LRRC4C: variants seen among roughly 807,000 people sequenced by gnomAD.
LRRC4C encodes leucine rich repeat containing 4C.
In LRRC4C, 5 loss-of-function variants were observed where a neutral mutation model predicts 33.6. The ratio of observed to expected loss-of-function variants is 0.15; its 90% confidence interval spans 0.08 to 0.31. The LOEUF (loss-of-function observed/expected upper bound fraction) is 0.31. Among genes scored for constraint, LRRC4C ranks in the 10% least tolerant of loss-of-function variants. The probability of loss-of-function intolerance (pLI) is 1.00; values close to 1 mark genes in which losing one functional copy is unlikely to be tolerated. For missense variants in LRRC4C, 560 were observed against 796.7 expected, an observed-to-expected ratio of 0.70 and a Z score of 3.58; for synonymous variants, 329 against 302.0, an observed-to-expected ratio of 1.09 and a Z score of -0.93.
At chr11:40,798,278 T>A (rs1215767577) in intron 2 of LRRC4C, among the ~76,000 whole-genome samples, 2 of 152,222 alleles carry the variant, frequency 1.3e-5, no homozygotes, top group Middle Eastern at 3.2e-3. Flanking sequence ...TGTGAGACCA[T>A]ATGCTGTGGG....
At chr11:41,018,656 A>G (rs1442866455) in intron 1 of LRRC4C, among the ~76,000 whole-genome samples, 1 of 152,174 alleles carries the variant, frequency 6.6e-6, no homozygotes, top group Non-Finnish European at 1.5e-5. Flanking sequence ...CTCCTTTGGC[A>G]TATGCTCCAG....
At chr11:41,279,379 CAA>C (rs1319235497) in intron 1 of LRRC4C, among the ~76,000 whole-genome samples, 7 of 110,454 alleles carry the variant, frequency 6.3e-5, no homozygotes, top group South Asian at 3.2e-4. Flanking sequence ...TACACACACA[CAA>C]ACACACACAC....
intron 1 of LRRC4C, among the ~76,000 whole-genome samples, chr11:41,298,552 T>G (rs1950203439): frequency 6.6e-6 from 1 of 152,090 alleles, no homozygotes; most frequent in South Asian, 2.1e-4. Context: ...TGATTCAGTC[T>G]CTAAACGTAG....
At chr11:41,189,815 C>A (rs1045481741) in intron 1 of LRRC4C, among the ~76,000 whole-genome samples, 11 of 152,156 alleles carry the variant, frequency 7.2e-5, no homozygotes, top group African/African-American at 2.7e-4. Context: ...TTTACTCAAG[C>A]AGTGATCTAT....
At chr11:41,358,844 A>T (rs1952251567) in intron 1 of LRRC4C, among the ~76,000 whole-genome samples, 1 of 152,314 alleles carries the variant, frequency 6.6e-6, no homozygotes, top group Middle Eastern at 3.4e-3. Flanking sequence ...TTCTCTTACC[A>T]TATGATCCAA....
At chr11:40,332,663 T>C (rs1215519411) in intron 3 of LRRC4C, among the ~76,000 whole-genome samples, 1 of 152,210 alleles carries the variant, frequency 6.6e-6, no homozygotes, top group Non-Finnish European at 1.5e-5. Flanking sequence ...GTCTTATTCT[T>C]TCCACTTTCC....
chr11:40,780,437 A>G (rs1338265326), intron 2 of LRRC4C, among the ~76,000 whole-genome samples: 5 of 152,192 alleles, frequency 3.3e-5, no homozygotes, highest in African/African-American at 1.2e-4. Flanking sequence ...AAGCAGGAAT[A>G]AGAAAGATCT....
chr11:41,424,928 A>G (rs1051362438), intron 1 of LRRC4C, among the ~76,000 whole-genome samples: 1 of 152,134 alleles, frequency 6.6e-6, no homozygotes, highest in Non-Finnish European at 1.5e-5. Context: ...AATGAATGAA[A>G]TGATTAATGT....
At chr11:40,942,737 A>G (rs143493291) in intron 1 of LRRC4C, among the ~76,000 whole-genome samples, 1 of 152,288 alleles carries the variant, frequency 6.6e-6, no homozygotes, top group East Asian at 1.9e-4. Flanking sequence ...CTGCAGAAAG[A>G]TTCCTGAAGT....
At chr11:41,356,890 G>A (rs1279576029) in intron 1 of LRRC4C, among the ~76,000 whole-genome samples, 1 of 152,094 alleles carries the variant, frequency 6.6e-6, no homozygotes, top group African/African-American at 2.4e-5. Context: ...TAATACAAAA[G>A]AGAAAGCATC....
intron 1 of LRRC4C, among the ~76,000 whole-genome samples, chr11:41,448,651 C>T (rs1235175790): frequency 6.6e-6 from 1 of 152,150 alleles, no homozygotes; most frequent in Non-Finnish European, 1.5e-5. Flanking sequence ...CATGCAAACA[C>T]AGAAACCCTA....
intron 5 of LRRC4C, among the ~76,000 whole-genome samples, chr11:40,163,449 A>G (rs1015113469): frequency 1.3e-5 from 2 of 152,198 alleles, no homozygotes; most frequent in African/African-American, 2.4e-5. Flanking sequence ...CTAGACTATG[A>G]AGACATTTGC....
At chr11:41,188,901 G>T (rs376489163) in intron 1 of LRRC4C, among the ~76,000 whole-genome samples, 1 of 124,288 alleles carries the variant, frequency 8.0e-6, no homozygotes, top group African/African-American at 3.0e-5. Flanking sequence ...AACAGGACCT[G>T]CCCCCCCCCC....
At chr11:40,856,644 T>C (rs1953798838) in intron 2 of LRRC4C, among the ~76,000 whole-genome samples, 2 of 152,246 alleles carry the variant, frequency 1.3e-5, no homozygotes, top group Admixed American at 6.5e-5. Flanking sequence ...GCAGCATATT[T>C]TTTTGCTTTT....
At chr11:40,851,718 T>C (rs1246343859) in intron 2 of LRRC4C, among the ~76,000 whole-genome samples, 1 of 152,150 alleles carries the variant, frequency 6.6e-6, no homozygotes, top group African/African-American at 2.4e-5. Flanking sequence ...AGGCGGAGGT[T>C]GCAGTGAGCC....
At chr11:40,135,734 C>A (rs1856925976) in intron 6 of LRRC4C, among the ~76,000 whole-genome samples, 1 of 152,128 alleles carries the variant, frequency 6.6e-6, no homozygotes, top group Non-Finnish European at 1.5e-5. Flanking sequence ...ACGGGGCTGA[C>A]AGTCCGATTC....
At chr11:40,190,406 C>T (rs779205683) in intron 5 of LRRC4C, among the ~76,000 whole-genome samples, 8 of 152,280 alleles carry the variant, frequency 5.3e-5, no homozygotes, top group Non-Finnish European at 8.8e-5. Context: ...CCAGAAGATT[C>T]TCAGGTTCTG....
intron 5 of LRRC4C, among the ~76,000 whole-genome samples, chr11:40,186,592 C>CTA (rs1194701658): frequency 3.3e-5 from 5 of 152,178 alleles, no homozygotes; most frequent in Non-Finnish European, 7.3e-5. Context: ...GACGCCTAGT[C>CTA]TATGAGTCTA....
intron 1 of LRRC4C, among the ~76,000 whole-genome samples, chr11:41,135,425 C>T (rs927413516): frequency 2.2e-4 from 33 of 152,016 alleles, no homozygotes; most frequent in East Asian, 1.9e-3. Flanking sequence ...AAAATGGGAA[C>T]GAAAACATGG....
Sources: allele counts gnomAD v4.1 joint callset (sites outside exome capture counted in the v4.1 genomes callset), GRCh38; gene constraint gnomAD v4.1.1; transcripts MANE v1.5; gene names NCBI Gene and HGNC (gene_info 2026-07-23, HGNC 2026-07-21).